GALNT17: variants seen among roughly 807,000 people sequenced by gnomAD.
GALNT17 encodes the protein UDP-GalNAc:polypeptide N-acetylgalactosaminyltransferase-like 3.
A neutral mutation model predicts 63.7 loss-of-function variants in GALNT17; 29 were observed. The observed-to-expected ratio is 0.46, with a 90% CI of 0.34 to 0.62. The LOEUF (loss-of-function observed/expected upper bound fraction) is 0.62. Ranked by LOEUF, GALNT17 falls within the 20% of genes least tolerant of loss-of-function variation. The pLI is 0.01. For synonymous variants in GALNT17, 305 were observed against 318.3 expected (o/e 0.96, Z 0.45); for missense variants, 603 against 799.6 (o/e 0.75, Z 2.97).
At chr7:71,369,274 C>T (rs73360132) in intron 2 of GALNT17, among the ~76,000 whole-genome samples, 2,840 of 152,152 alleles carry the variant, frequency 0.019, 102 homozygotes, top group African/African-American at 0.065. Flanking sequence ...ATTAGTGGTC[C>T]CTGACCTCAT....
At chr7:71,239,526 G>A (rs146936004) in intron 1 of GALNT17, among the ~76,000 whole-genome samples, 1 of 152,274 alleles carries the variant, frequency 6.6e-6, no homozygotes, top group Non-Finnish European at 1.5e-5. Flanking sequence ...ACTCAGTTGG[G>A]GTAATTTGTT....
At chr7:71,674,381 T>C (rs1254449810) in intron 8 of GALNT17, among the ~76,000 whole-genome samples, 2 of 150,558 alleles carry the variant, frequency 1.3e-5, no homozygotes, top group African/African-American at 4.9e-5. Context: ...GGTCTTGCTC[T>C]GTTGCCCAGG....
In GALNT17 at chr7:71,132,898, G is replaced by C. The variant is rs61741535; in HGVS notation, c.96G>C (p.Ala32=). The part of the protein sequence containing the change: ...VLFLAKCRPI[A]VRSGDAFHEI... ...TCCTGGCCAAGTGCCGGCCCATCGC[G>C]GTGCGCAGCGGAGACGCCTTCCACG... is the stretch of plus-strand genomic sequence containing the variant. The change falls in exon 1 of 11, where the codon GCG becomes GCC. Residue 32 remains alanine, a synonymous_variant. Transcript: ENST00000333538. 3 of 1,612,680 alleles carry C rather than the reference G, an allele frequency of 1.9e-6. No individual in the cohort carries two copies. Among genetic ancestry groups the C allele is most frequent in the Middle Eastern group, 1.7e-4 (1 of 6,054 alleles).
chr7:71,355,308 T>A (rs1483720421), intron 2 of GALNT17, among the ~76,000 whole-genome samples: 1 of 152,208 alleles, frequency 6.6e-6, no homozygotes, highest in Non-Finnish European at 1.5e-5. Flanking sequence ...TTTTTATTGC[T>A]AAAAGGTTTT....
intron 1 of GALNT17, among the ~76,000 whole-genome samples, chr7:71,331,575 G>A (rs1382072686): frequency 6.6e-6 from 1 of 152,136 alleles, no homozygotes; most frequent in Non-Finnish European, 1.5e-5. Context: ...AGCTAGGTTA[G>A]TGTCACGCAC....
intron 1 of GALNT17, among the ~76,000 whole-genome samples, chr7:71,279,345 T>C (rs942850709): frequency 1.9e-4 from 29 of 152,210 alleles, no homozygotes; most frequent in African/African-American, 6.7e-4. Flanking sequence ...CTCACTATTA[T>C]AAGAACATCA....
At chr7:71,229,050 C>T (rs1040215020) in intron 1 of GALNT17, among the ~76,000 whole-genome samples, 25 of 152,170 alleles carry the variant, frequency 1.6e-4, no homozygotes, top group African/African-American at 5.3e-4. Context: ...CAACAGTGGC[C>T]GCCTGGGATA....
intron 6 of GALNT17, among the ~76,000 whole-genome samples, chr7:71,595,222 G>T (rs1040818785): frequency 2.0e-4 from 30 of 152,128 alleles, no homozygotes; most frequent in African/African-American, 7.2e-4. Flanking sequence ...AGGAAATCAA[G>T]ACCAGCCTGG....
Position 71,672,619 on chromosome 7 carries a change from T to A in GALNT17, c.1404+2510T>A, listed in dbSNP as rs1205571804. ...CAGGCTAGGGTGCAGAGGCACAATCTTGGCTTACTGCAACCTCCATCTCCT... is the reference window on the plus strand; with the variant it reads ...CAGGCTAGGGTGCAGAGGCACAATCATGGCTTACTGCAACCTCCATCTCCT... On this transcript the variant is annotated intron_variant, in intron 8 of 10. Coordinates refer to ENST00000333538, the MANE Select transcript of GALNT17 (RefSeq NM_022479.3). 1.3e-5 allele frequency among the ~76,000 whole-genome samples: 2 copies of A among 152,232 alleles called. 1 individual carries two copies. The highest frequency in any genetic ancestry group is 6.3e-3 in the Middle Eastern group (2 of 316).
intron 2 of GALNT17, among the ~76,000 whole-genome samples, chr7:71,352,112 C>G (rs529530610): frequency 6.6e-6 from 1 of 152,226 alleles, no homozygotes; most frequent in Admixed American, 6.5e-5. Flanking sequence ...AAAATTGAAT[C>G]ATGAGGTCAG....
intron 5 of GALNT17, among the ~76,000 whole-genome samples, chr7:71,519,860 C>T (rs912247575): frequency 1.1e-4 from 16 of 151,844 alleles, no homozygotes; most frequent in African/African-American, 2.2e-4. Flanking sequence ...TAATTACGAT[C>T]GTTAATGTAG....
chr7:71,352,524 T>G (rs758467387), intron 2 of GALNT17, among the ~76,000 whole-genome samples: 2 of 152,212 alleles, frequency 1.3e-5, no homozygotes, highest in African/African-American at 4.8e-5. Context: ...TTAAGAATTC[T>G]ACTTGGGATT....
chr7:71,411,030 G>T, intron 3 of GALNT17, among the ~76,000 whole-genome samples: 1 of 152,284 alleles, frequency 6.6e-6, no homozygotes, highest in South Asian at 2.1e-4. Context: ...GAGGAAAAAA[G>T]AAAGTAAGAT....
At chr7:71,463,481 C>T (rs767697533) in intron 5 of GALNT17, among the ~76,000 whole-genome samples, 13 of 151,848 alleles carry the variant, frequency 8.6e-5, no homozygotes, top group Non-Finnish European at 1.3e-4. Context: ...TTGGATCTCA[C>T]GCAAGAAACA....
chr7:71,408,300 C>A (rs180993357), intron 3 of GALNT17, among the ~76,000 whole-genome samples: 1 of 152,198 alleles, frequency 6.6e-6, no homozygotes, highest in East Asian at 1.9e-4. Flanking sequence ...GCTATGTTCT[C>A]GTCCCCAGCT....
chr7:71,603,826 A>ACC (rs1790004978), intron 6 of GALNT17, among the ~76,000 whole-genome samples: 1 of 152,136 alleles, frequency 6.6e-6, no homozygotes, highest in Non-Finnish European at 1.5e-5. Context: ...CTAAGTGCAT[A>ACC]CACTGGATAC....
chr7:71,434,412 T>C (rs740099), intron 5 of GALNT17, among the ~76,000 whole-genome samples: 24,538 of 152,048 alleles, frequency 0.16, 2,042 homozygotes, highest in Middle Eastern at 0.22. Flanking sequence ...TCAATTGCAG[T>C]GTGTTGTGGG....
chr7:71,216,144 G>A (rs1789473924), intron 1 of GALNT17, among the ~76,000 whole-genome samples: 1 of 152,038 alleles, frequency 6.6e-6, no homozygotes, highest in South Asian at 2.1e-4. Flanking sequence ...TTGAGTCCAG[G>A]AACTAGAGAT....
At chr7:71,638,164 G>A (rs1248121813) in intron 6 of GALNT17, among the ~76,000 whole-genome samples, 1 of 152,202 alleles carries the variant, frequency 6.6e-6, no homozygotes, top group African/African-American at 2.4e-5. Context: ...CTTTTAGCAT[G>A]CTAATGCATT....
Sources: allele counts gnomAD v4.1 joint callset (sites outside exome capture counted in the v4.1 genomes callset), GRCh38; gene constraint gnomAD v4.1.1; transcripts MANE v1.5; gene names NCBI Gene and HGNC (gene_info 2026-07-23, HGNC 2026-07-21).